TMEM178A: variants seen among roughly 807,000 people sequenced by gnomAD.
TMEM178A encodes the protein transmembrane protein 178A, also known as transmembrane protein 178.
TMEM178A carries 12 observed loss-of-function variants against 29.1 expected under a neutral mutation model. The observed-to-expected ratio is 0.41, with a 90% CI of 0.26 to 0.67. The LOEUF is 0.67. TMEM178A is among the 30% of genes least tolerant of loss of function. The pLI is 0.29. For missense variants in TMEM178A, 366 were observed against 419.1 expected, an observed-to-expected ratio of 0.87 and a Z score of 1.11; for synonymous variants, 210 against 187.2, an observed-to-expected ratio of 1.12 and a Z score of -0.99.
intron 1 of TMEM178A, among the ~76,000 whole-genome samples, chr2:39,683,768 TG>T (rs755300755): frequency 1.3e-5 from 2 of 152,222 alleles, no homozygotes; most frequent in South Asian, 4.1e-4. Context: ...TGGATGAGGA[TG>T]GGCACAGTGT....
At chr2:39,716,660 T>C (rs1672553004) in intron 3 of TMEM178A, among the ~76,000 whole-genome samples, 1 of 152,158 alleles carries the variant, frequency 6.6e-6, no homozygotes, top group South Asian at 2.1e-4. Context: ...ATTTGAGTGA[T>C]TATAGAAGTT....
downstream of TMEM178A, among the ~76,000 whole-genome samples, chr2:39,718,693 T>G (rs1387578323): frequency 6.6e-6 from 1 of 152,196 alleles, no homozygotes; most frequent in Non-Finnish European, 1.5e-5. Context: ...CATTTTTTTT[T>G]CTCGATCCTT....
At chr2:39,674,606 A>G (rs2540252) in intron 1 of TMEM178A, among the ~76,000 whole-genome samples, 67,884 of 152,030 alleles carry the variant, frequency 0.45, 15,737 homozygotes, top group East Asian at 0.77. Flanking sequence ...CTCACAAATC[A>G]CCACTAAAGG....
At chr2:39,668,671 G>A (rs1376866077) in intron 1 of TMEM178A, among the ~76,000 whole-genome samples, 1 of 152,222 alleles carries the variant, frequency 6.6e-6, no homozygotes, top group Admixed American at 6.5e-5. Context: ...TTGGAGGAAA[G>A]AACAGGCATT....
chr2:39,689,356 C>A (rs1671218153), intron 1 of TMEM178A, among the ~76,000 whole-genome samples: 1 of 152,164 alleles, frequency 6.6e-6, no homozygotes, highest in African/African-American at 2.4e-5. Context: ...CTCCCCATTT[C>A]AGAGATCTAG....
intron 1 of TMEM178A, among the ~76,000 whole-genome samples, chr2:39,686,689 G>T (rs1189258788): frequency 1.3e-5 from 2 of 151,238 alleles, no homozygotes. Context: ...GGAGAAGATG[G>T]GGGGGCGGAG....
chr2:39,708,409 ATTTTTTT>A lies in TMEM178A; in HGVS notation c.652+1244_652+1250del, dbSNP rs956611778. 5.9e-3 allele frequency among the ~76,000 whole-genome samples: 410 copies of A among 69,698 alleles called. 2 individuals are homozygous for A. Among genetic ancestry groups the A allele is most frequent in the African/African-American group, 0.021 (369 of 17,648 alleles). 45.7% of individuals were successfully genotyped at this position (69,698 alleles called of 152,430 possible). A position where few individuals can be genotyped will look rare whatever the true frequency, so the allele number is the denominator to read the frequency against. Reference sequence around the variant, plus strand: ...AGGTTTGAAGCAAAGGAGTGACTTGATTTTTTTTTTTTTTTTTTTTTTTTTTTGAGAC... The same window carrying A: ...AGGTTTGAAGCAAAGGAGTGACTTGATTTTTTTTTTTTTTTTTTTTGAGAC... On this transcript the variant is annotated intron_variant, in intron 3 of 3. Coordinates refer to ENST00000281961, the MANE Select transcript of TMEM178A (RefSeq NM_152390.3).
intron 1 of TMEM178A, among the ~76,000 whole-genome samples, chr2:39,681,595 AT>A (rs1418887438): frequency 6.6e-6 from 1 of 151,668 alleles, no homozygotes; most frequent in African/African-American, 2.4e-5. Flanking sequence ...GTTTCTTAGA[AT>A]TTTTTTTTAT....
intron 3 of TMEM178A, among the ~76,000 whole-genome samples, chr2:39,714,428 TC>T (rs1325212587): frequency 6.6e-6 from 1 of 151,868 alleles, no homozygotes; most frequent in Non-Finnish European, 1.5e-5. Context: ...AAAGGGACAA[TC>T]AGGTTTCTGA....
At chr2:39,678,301 T>C (rs1288016153) in intron 1 of TMEM178A, among the ~76,000 whole-genome samples, 1 of 152,194 alleles carries the variant, frequency 6.6e-6, no homozygotes, top group Admixed American at 6.5e-5. Flanking sequence ...ACAGCACTAT[T>C]TGCAATAGCC....
At chr2:39,714,383 A>G (rs2540236) in intron 3 of TMEM178A, among the ~76,000 whole-genome samples, 96,429 of 151,486 alleles carry the variant, frequency 0.64, 33,280 homozygotes, top group African/African-American at 0.9. Flanking sequence ...GCATAGAGAT[A>G]ACACTTAAAT....
chr2:39,716,684 T>C (rs1214631802), intron 3 of TMEM178A, among the ~76,000 whole-genome samples: 3 of 152,174 alleles, frequency 2.0e-5, no homozygotes, highest in Non-Finnish European at 4.4e-5. Flanking sequence ...CTCTTAAAAA[T>C]AGAACTTTTA....
chr2:39,709,061 C>G (rs1245640994), intron 3 of TMEM178A, among the ~76,000 whole-genome samples: 1 of 152,210 alleles, frequency 6.6e-6, no homozygotes, highest in Non-Finnish European at 1.5e-5. Flanking sequence ...CCTAGATTTT[C>G]TTGCACTTCT....
downstream of TMEM178A, among the ~76,000 whole-genome samples, chr2:39,720,518 C>G (rs17024232): frequency 0.031 from 4,753 of 152,314 alleles, 241 homozygotes; most frequent in African/African-American, 0.11. Context: ...AGCTTCTACA[C>G]AACACTCCCG....
At chr2:39,674,901 T>A (rs536614586) in intron 1 of TMEM178A, among the ~76,000 whole-genome samples, 3 of 152,202 alleles carry the variant, frequency 2.0e-5, no homozygotes, top group Admixed American at 2.0e-4. Flanking sequence ...ACGCGTAGAA[T>A]AAAAAATTCA....
the TMEM178A span, among the ~76,000 whole-genome samples, chr2:39,733,508 C>G: frequency 6.6e-6 from 1 of 152,152 alleles, no homozygotes; most frequent in Non-Finnish European, 1.5e-5. Flanking sequence ...GCCAGGCAGA[C>G]AGTGCCTGTT....
At chr2:39,665,709 AGG>A, upstream of TMEM178A, 1 of 262,510 alleles carries the variant, frequency 3.8e-6, no homozygotes, top group Non-Finnish European at 6.6e-6. Flanking sequence ...GCTGGGGAAG[AGG>A]AGGGGGGCAA....
intron 1 of TMEM178A, among the ~76,000 whole-genome samples, chr2:39,668,396 T>C (rs547039572): frequency 1.3e-5 from 2 of 152,198 alleles, no homozygotes; most frequent in Non-Finnish European, 2.9e-5. Context: ...GTTTAGCTAA[T>C]CTTTTGTGTA....
chr2:39,692,329 C>G (rs1265045037), intron 1 of TMEM178A, among the ~76,000 whole-genome samples: 3 of 152,152 alleles, frequency 2.0e-5, no homozygotes, highest in Non-Finnish European at 4.4e-5. Context: ...GTTCTCACTA[C>G]ACACACCCAC....
Sources: allele counts gnomAD v4.1 joint callset (sites outside exome capture counted in the v4.1 genomes callset), GRCh38; gene constraint gnomAD v4.1.1; transcripts MANE v1.5; gene names NCBI Gene and HGNC (gene_info 2026-07-23, HGNC 2026-07-21).